CNTNAP2: variants seen among roughly 807,000 people sequenced by gnomAD.
CNTNAP2 encodes the protein contactin associated protein 2.
A neutral mutation model predicts 155.2 loss-of-function variants in CNTNAP2; 98 were observed. The ratio of observed to expected loss-of-function variants is 0.63; its 90% CI spans 0.54 to 0.75. CNTNAP2 has a LOEUF of 0.75. Among genes scored for constraint, CNTNAP2 ranks in the 30% least tolerant of loss-of-function variants. The probability of loss-of-function intolerance (pLI) is 0.00; values close to 1 mark genes in which losing one functional copy is unlikely to be tolerated. For synonymous variants in CNTNAP2, 651 were observed against 631.2 expected (o/e 1.03, Z -0.47); for missense variants, 1,727 against 1,688.1 (o/e 1.02, Z -0.40).
intron 1 of CNTNAP2, among the ~76,000 whole-genome samples, chr7:146,375,640 TG>T (rs778647481): frequency 5.8e-4 from 89 of 152,350 alleles, no homozygotes; most frequent in Non-Finnish European, 1.0e-3. Flanking sequence ...TTGTGAGATT[TG>T]AGGCATGTTT....
chr7:146,129,911 T>C (rs746188101), intron 1 of CNTNAP2, among the ~76,000 whole-genome samples: 16 of 152,148 alleles, frequency 1.1e-4, no homozygotes, highest in Non-Finnish European at 1.9e-4. Flanking sequence ...AAGGAAACTC[T>C]TTCTGTTATA....
chr7:146,889,396 T>C (rs1795734218), intron 3 of CNTNAP2, among the ~76,000 whole-genome samples: 1 of 152,084 alleles, frequency 6.6e-6, no homozygotes, highest in Non-Finnish European at 1.5e-5. Context: ...CTCTACTGTT[T>C]ATTAAATTTG....
intron 3 of CNTNAP2, among the ~76,000 whole-genome samples, chr7:146,871,850 T>G (rs1795315487): frequency 6.6e-6 from 1 of 152,128 alleles, no homozygotes; most frequent in East Asian, 1.9e-4. Context: ...CTAACATGTT[T>G]TATGAGCATA....
intron 10 of CNTNAP2, 99 bp from the exon 11 acceptor site, chr7:147,485,836 G>A (rs1798499440): frequency 8.9e-7 from 1 of 1,127,322 alleles, no homozygotes; most frequent in Non-Finnish European, 1.4e-6. Context: ...AAGGCAACCT[G>A]GCATTGAAAT....
intron 1 of CNTNAP2, among the ~76,000 whole-genome samples, chr7:146,704,682 A>G (rs1800933600): frequency 6.6e-6 from 1 of 152,168 alleles, no homozygotes; most frequent in African/African-American, 2.4e-5. Flanking sequence ...ATAGTTTAGG[A>G]AACACTAGCC....
chr7:147,784,537 A>G lies in CNTNAP2; in HGVS notation c.2099-119028A>G, dbSNP rs1273592338. Among the ~76,000 whole-genome samples the G allele has an allele frequency of 8.4e-3, 776 of 92,244 alleles. 53 individuals are homozygous for G. The highest frequency in any genetic ancestry group is 0.03 in the African/African-American group (735 of 24,852). The allele number at this position is 92,244 out of a possible 152,430, so 60.5% of individuals were successfully genotyped here. On this transcript the variant is annotated intron_variant, in intron 13 of 23. Coordinates refer to ENST00000361727, the MANE Select transcript of CNTNAP2 (RefSeq NM_014141.6). ...TATATATATATATATATATATATAT[A>G]TATATATATATATGAGTTTTTTTGA...
At position 146,880,107 on chromosome 7, in the gene CNTNAP2, AT is replaced by A. The variant is rs1795513429; in HGVS notation, c.402+40206del. Among the ~76,000 whole-genome samples, 3 of 152,084 alleles carry A rather than the reference AT, an allele frequency of 2.0e-5. No homozygotes were observed. The South Asian group carries it at 6.2e-4, about 32-fold the overall frequency. ...ACACATGGGAATTATGGCAGCTAAAATTTCAAGATGAGATTTGGGTGGGGAC... is the reference window on the plus strand; with the variant it reads ...ACACATGGGAATTATGGCAGCTAAAATTCAAGATGAGATTTGGGTGGGGAC... On this transcript the variant is annotated intron_variant, in intron 3 of 23. Coordinates refer to ENST00000361727, the MANE Select transcript of CNTNAP2 (RefSeq NM_014141.6).
intron 11 of CNTNAP2, among the ~76,000 whole-genome samples, chr7:147,529,767 G>A (rs1456460169): frequency 6.6e-6 from 1 of 152,172 alleles, no homozygotes. Flanking sequence ...AGATTTCAAA[G>A]GGGATATGCA....
At chr7:147,672,943 T>A (rs1180489178) in intron 13 of CNTNAP2, 5 of 152,216 alleles carry the variant, frequency 3.3e-5, no homozygotes, top group African/African-American at 1.2e-4. Flanking sequence ...AAATCAAAAG[T>A]ATTTCATTTC....
At chr7:146,592,424 G>T (rs1798796915) in intron 1 of CNTNAP2, among the ~76,000 whole-genome samples, 1 of 152,198 alleles carries the variant, frequency 6.6e-6, no homozygotes, top group Non-Finnish European at 1.5e-5. Flanking sequence ...CTGTATGCCT[G>T]CCTGCTTTCC....
chr7:148,081,317 T>C (rs1803599144), intron 15 of CNTNAP2, among the ~76,000 whole-genome samples: 1 of 152,160 alleles, frequency 6.6e-6, no homozygotes, highest in East Asian at 1.9e-4. Context: ...ATGCAAAGTA[T>C]TGATCTTGGG....
intron 1 of CNTNAP2, among the ~76,000 whole-genome samples, chr7:146,757,841 C>T (rs557763238): frequency 6.6e-6 from 1 of 152,156 alleles, no homozygotes; most frequent in East Asian, 1.9e-4. Flanking sequence ...AAAACAGCAA[C>T]TTTTCTCATC....
At chr7:148,211,365 A>T (rs1795546450) in intron 18 of CNTNAP2, among the ~76,000 whole-genome samples, 1 of 152,208 alleles carries the variant, frequency 6.6e-6, no homozygotes, top group South Asian at 2.1e-4. Flanking sequence ...TTTACAGCAG[A>T]AGGTAAAAAG....
intron 2 of CNTNAP2, among the ~76,000 whole-genome samples, chr7:146,788,870 C>G (rs570476622): frequency 6.6e-6 from 1 of 152,140 alleles, no homozygotes; most frequent in South Asian, 2.1e-4. Context: ...CTATCTCTAT[C>G]TCAGAACTTA....
chr7:147,808,410 G>A (rs1046008287), intron 13 of CNTNAP2, among the ~76,000 whole-genome samples: 1 of 152,086 alleles, frequency 6.6e-6, no homozygotes, highest in Admixed American at 6.6e-5. Flanking sequence ...GGCTATCTTT[G>A]GCAACTATCT....
At chr7:146,758,740 A>G (rs997049133) in intron 1 of CNTNAP2, among the ~76,000 whole-genome samples, 2 of 152,156 alleles carry the variant, frequency 1.3e-5, no homozygotes, top group African/African-American at 2.4e-5. Context: ...TCCCACAACA[A>G]GTGGAAATTG....
chr7:148,221,695 A>C (rs976152666), intron 19 of CNTNAP2, among the ~76,000 whole-genome samples: 2 of 152,190 alleles, frequency 1.3e-5, no homozygotes, highest in African/African-American at 2.4e-5. Context: ...CATCACTCAC[A>C]TTTCACATAT....
At chr7:146,826,948 G>T (rs940035461) in intron 2 of CNTNAP2, among the ~76,000 whole-genome samples, 3 of 151,214 alleles carry the variant, frequency 2.0e-5, no homozygotes, top group Non-Finnish European at 4.4e-5. Context: ...TACAGTAACT[G>T]CTCTGGAGAA....
chr7:146,266,439 T>G (rs934808390), intron 1 of CNTNAP2, among the ~76,000 whole-genome samples: 6 of 152,202 alleles, frequency 3.9e-5, no homozygotes, highest in African/African-American at 1.4e-4. Flanking sequence ...TGCCTTCAAC[T>G]AAAAACCTTG....
Sources: allele counts gnomAD v4.1 joint callset (sites outside exome capture counted in the v4.1 genomes callset), GRCh38; gene constraint gnomAD v4.1.1; transcripts MANE v1.5; gene names NCBI Gene and HGNC (gene_info 2026-07-23, HGNC 2026-07-21).